Variants in ARL5B observed in about 807,000 individuals in gnomAD.
ARL5B encodes the protein ARF like GTPase 5B.
A neutral mutation model predicts 26.9 loss-of-function variants in ARL5B; 10 were observed. That is an observed-to-expected ratio of 0.37 (90% CI 0.23 to 0.63). The LOEUF is 0.63. ARL5B is among the 30% of genes least tolerant of loss of function. The pLI, the probability that ARL5B is intolerant of heterozygous loss-of-function variation, is 0.62. For synonymous variants in ARL5B, 87 were observed against 70.4 expected (o/e 1.24, Z -1.18); for missense variants, 167 against 213.9 (o/e 0.78, Z 1.37).
chr10:18,664,100 C>A (rs1239029684), intron 1 of ARL5B, among the ~76,000 whole-genome samples: 1 of 151,884 alleles, frequency 6.6e-6, no homozygotes, highest in Non-Finnish European at 1.5e-5. Context: ...ACTATAGGCA[C>A]CTGCCACCAT....
chr10:18,677,732 G>A lies in ARL5B; in HGVS notation c.*2516G>A, dbSNP rs1402037682. The A allele has an allele frequency of 6.6e-6, 1 of 152,148 alleles. No individual in the cohort carries two copies. Among genetic ancestry groups the A allele is most frequent in the African/African-American group, 2.4e-5 (1 of 41,386 alleles). The allele number at this position is 152,148 out of a possible 1,614,324, so 9.4% of individuals were successfully genotyped here. ...TGCCTTTATTCATATTTTGAAATAAGTTCTTAGTTTTATATTATACCTGTT... is the reference window on the plus strand; with the variant it reads ...TGCCTTTATTCATATTTTGAAATAAATTCTTAGTTTTATATTATACCTGTT... On this transcript the variant is annotated 3_prime_UTR_variant, in exon 6 of 6. Coordinates refer to ENST00000377275, the MANE Select transcript of ARL5B (RefSeq NM_178815.5).
At chr10:18,673,948 A>G (rs369434317) in intron 4 of ARL5B, 36 bp from the exon 5 acceptor site, 3 of 1,559,792 alleles carry the variant, frequency 1.9e-6, no homozygotes, top group Non-Finnish European at 2.6e-6. Flanking sequence ...AAATTGTGGT[A>G]TTTCACATAT....
intron 4 of ARL5B, among the ~76,000 whole-genome samples, chr10:18,673,630 G>T (rs2059897859): frequency 6.6e-6 from 1 of 152,022 alleles, no homozygotes; most frequent in African/African-American, 2.4e-5. Context: ...TAAGTAATAA[G>T]TATTGCCCAG....
rs2059924847 is a variant in ARL5B at position 18,679,756 on chromosome 10, C to G, written c.*4540C>G. On this transcript the variant is annotated 3_prime_UTR_variant, in exon 6 of 6. Transcript: ENST00000377275. ...TTTAGAAGCATACGAAAAACAAATT[C>G]AAAGCACTTGAAAGTAAAGACAATA... The G allele has an allele frequency of 1.3e-5, 2 of 151,710 alleles. No homozygotes were observed. The highest frequency in any genetic ancestry group is 4.8e-5 in the African/African-American group (2 of 41,338). The allele number at this position is 151,710 out of a possible 1,614,324, so 9.4% of individuals were successfully genotyped here. A position where few individuals can be genotyped will look rare whatever the true frequency, so the allele number is the denominator to read the frequency against.
chr10:18,661,618 G>C (rs547303932), intron 1 of ARL5B, among the ~76,000 whole-genome samples: 1 of 152,244 alleles, frequency 6.6e-6, no homozygotes, highest in East Asian at 1.9e-4. Context: ...TTACTTCTTG[G>C]CAAAGTATTC....
rs116988237 is a variant in ARL5B at position 18,674,585 on chromosome 10, T to C, written c.491+450T>C. Among the ~76,000 whole-genome samples the C allele has an allele frequency of 1.9e-3, 294 of 152,276 alleles. 7 individuals are homozygous for C. In the East Asian group the frequency reaches 0.05, roughly 26 times the overall value. ...AGGCATATTTCCAGACAATAAACAGTTGAGACAAATGCCACATGGTCTATT... is the reference window on the plus strand; with the variant it reads ...AGGCATATTTCCAGACAATAAACAGCTGAGACAAATGCCACATGGTCTATT... On this transcript the variant is annotated intron_variant, in intron 5 of 5. Transcript: ENST00000377275.
Position 18,679,611 on chromosome 10 carries a change from A to G in ARL5B, c.*4395A>G, listed in dbSNP as rs1477871651. On this transcript the variant is annotated 3_prime_UTR_variant, in exon 6 of 6. Coordinates refer to ENST00000377275, the MANE Select transcript of ARL5B (RefSeq NM_178815.5). Reference sequence around the variant, plus strand: ...AATAGAGGAAGACCAATATAAAAAAATATGTTCAACTATTCCATTTTAAAT... The same window carrying G: ...AATAGAGGAAGACCAATATAAAAAAGTATGTTCAACTATTCCATTTTAAAT... 6.6e-6 allele frequency: 1 copy of G among 151,968 alleles called. No homozygotes were observed. The highest frequency in any genetic ancestry group is 1.9e-4 in the East Asian group (1 of 5,198). The allele number at this position is 151,968 out of a possible 1,614,324, so 9.4% of individuals were successfully genotyped here. A position where few individuals can be genotyped will look rare whatever the true frequency, so the allele number is the denominator to read the frequency against.
intron 5 of ARL5B, 40 bp from the exon 6 acceptor site, chr10:18,675,128 A>G (rs1299810018): frequency 2.5e-6 from 4 of 1,587,484 alleles, no homozygotes; most frequent in African/African-American, 1.3e-5. Context: ...GTTTTTAAGT[A>G]TAAGGTTTTT....
chr10:18,664,676 G>C (rs915380599), intron 1 of ARL5B, among the ~76,000 whole-genome samples: 1 of 151,886 alleles, frequency 6.6e-6, no homozygotes, highest in Non-Finnish European at 1.5e-5. Flanking sequence ...CTGACCTCGT[G>C]ATCCTCCCAC....
At chr10:18,660,390 T>C (rs2059826368) in intron 1 of ARL5B, among the ~76,000 whole-genome samples, 1 of 152,170 alleles carries the variant, frequency 6.6e-6, no homozygotes. Context: ...ATGTGATGTC[T>C]TCTGAAGAGA....
chr10:18,668,810 G>C, intron 3 of ARL5B, 133 bp downstream of exon 3: 1 of 967,074 alleles, frequency 1.0e-6, no homozygotes, highest in Non-Finnish European at 1.4e-6. Context: ...TTGCTCTGTC[G>C]CCAGGCTAGA....
intron 3 of ARL5B, among the ~76,000 whole-genome samples, chr10:18,672,213 C>T (rs1271777749): frequency 3.3e-5 from 5 of 152,114 alleles, no homozygotes; most frequent in African/African-American, 1.2e-4. Flanking sequence ...GTGGTATACA[C>T]AAGTAAGCAA....
At chr10:18,659,960 A>C in intron 1 of ARL5B, 1 of 984,488 alleles carries the variant, frequency 1.0e-6, no homozygotes, top group Non-Finnish European at 1.2e-6. Context: ...GGATACAGCT[A>C]ATGATGCCAG....
chr10:18,678,631 A>C lies in ARL5B; in HGVS notation c.*3415A>C, dbSNP rs2059920185. 1 of 151,850 alleles carries C rather than the reference A, an allele frequency of 6.6e-6. No individual in the cohort carries two copies. The allele number at this position is 151,850 out of a possible 1,614,324, so 9.4% of individuals were successfully genotyped here. On this transcript the variant is annotated 3_prime_UTR_variant, in exon 6 of 6. Coordinates refer to ENST00000377275, the MANE Select transcript of ARL5B (RefSeq NM_178815.5). Reference sequence around the variant, plus strand: ...GCTGGTGTCGTGTCTAAAGATGGATAAATTTCTTTGGAATTTATCTTTGGA... The same window carrying C: ...GCTGGTGTCGTGTCTAAAGATGGATCAATTTCTTTGGAATTTATCTTTGGA...
chr10:18,681,399 G>T lies in ARL5B; in HGVS notation c.*6183G>T, dbSNP rs775588914. On this transcript the variant is annotated 3_prime_UTR_variant, in exon 6 of 6. Coordinates refer to ENST00000377275, the MANE Select transcript of ARL5B (RefSeq NM_178815.5). ...TTTAATACTTTATTAGTTATGAAGT[G>T]CTTCTTTTATATGTTAAGTTTAGGT... 1.3e-5 allele frequency: 2 copies of T among 152,110 alleles called. No homozygotes were observed. The highest frequency in any genetic ancestry group is 2.9e-5 in the Non-Finnish European group (2 of 68,008). The allele number at this position is 152,110 out of a possible 1,614,324, so 9.4% of individuals were successfully genotyped here.
chr10:18,663,303 G>A (rs909342709), intron 1 of ARL5B, among the ~76,000 whole-genome samples: 3 of 152,018 alleles, frequency 2.0e-5, no homozygotes, highest in Admixed American at 6.5e-5. Context: ...CACCTGGCCA[G>A]TTATTTCTAG....
Position 18,667,728 on chromosome 10 carries a change from A to AAC in ARL5B, c.108-788_108-787dup, listed in dbSNP as rs142643032. ...ATATATATATATACACACACACACA[A>AAC]ACACACACACACACATATTTGAGAC... On this transcript the variant is annotated intron_variant, in intron 2 of 5. Coordinates refer to ENST00000377275, the MANE Select transcript of ARL5B (RefSeq NM_178815.5). Among the ~76,000 whole-genome samples the AAC allele has an allele frequency of 1.4e-4, 21 of 149,844 alleles. No homozygotes were observed. The South Asian group carries it at 3.0e-3, about 21-fold the overall frequency.
intron 3 of ARL5B, 149 bp from the exon 4 acceptor site, chr10:18,672,473 T>A (rs1367281562): frequency 3.8e-6 from 2 of 523,438 alleles, no homozygotes; most frequent in Non-Finnish European, 6.8e-6. Flanking sequence ...TTCAGTATTA[T>A]AAAAGCTGTT....
intron 3 of ARL5B, among the ~76,000 whole-genome samples, chr10:18,671,156 G>A (rs1332280904): frequency 6.6e-6 from 1 of 151,930 alleles, no homozygotes; most frequent in Non-Finnish European, 1.5e-5. Flanking sequence ...ATTCAGATTA[G>A]TTGTCTGTTT....
Sources: gnomAD v4.1 joint callset for allele counts (sites outside exome capture counted in the v4.1 genomes callset) on GRCh38, gnomAD v4.1.1 for gene constraint, MANE v1.5 for transcripts, NCBI Gene and HGNC (gene_info 2026-07-23, HGNC 2026-07-21) for gene names.